AGMO: variants seen among roughly 807,000 people sequenced by gnomAD.
AGMO encodes glyceryl-ether monooxygenase.
In AGMO, 75 loss-of-function variants were observed where a neutral mutation model predicts 60.2. The ratio of observed to expected loss-of-function variants is 1.25; its 90% CI spans 1.03 to 1.51. The LOEUF is 1.51. Among genes scored for constraint, AGMO ranks in the 40% most tolerant of loss-of-function variants. The probability of loss-of-function intolerance (pLI) is 0.00; values close to 1 mark genes in which losing one functional copy is unlikely to be tolerated. For missense variants in AGMO, 763 were observed against 525.5 expected (o/e 1.45, Z -4.42); for synonymous variants, 261 against 177.1 (o/e 1.47, Z -3.76).
At chr7:15,458,186 T>G (rs1782046652) in intron 3 of AGMO, among the ~76,000 whole-genome samples, 1 of 152,132 alleles carries the variant, frequency 6.6e-6, no homozygotes. Context: ...ATCCTGTCCC[T>G]CCTTCAACAG....
rs1554261431 is a variant in AGMO at position 15,359,307 on chromosome 7, A to AG, written c.1263+6206dup. Among the ~76,000 whole-genome samples, 66 of 150,654 alleles carry AG rather than the reference A, an allele frequency of 4.4e-4. 1 individual carries two copies. The highest frequency in any genetic ancestry group is 1.2e-3 in the African/African-American group (49 of 41,182). ...CCGTCTCAACAAAAAAAAAAAAAAA[A>AG]GAAATTAGATTTATTATTTTTACTC... On this transcript the variant is annotated intron_variant, in intron 12 of 12. Transcript: ENST00000342526.
chr7:15,206,170 G>C (rs896144023), intron 12 of AGMO, among the ~76,000 whole-genome samples: 4 of 151,950 alleles, frequency 2.6e-5, no homozygotes, highest in Non-Finnish European at 5.9e-5. Context: ...AAGCACAATG[G>C]AACTAGAATA....
At chr7:15,212,186 T>A (rs1382355945) in intron 12 of AGMO, among the ~76,000 whole-genome samples, 2 of 151,736 alleles carry the variant, frequency 1.3e-5, no homozygotes. Context: ...ACCCTTCAAA[T>A]TTCTCTAAAA....
chr7:15,233,556 T>C (rs1190425997), intron 12 of AGMO, among the ~76,000 whole-genome samples: 1 of 151,634 alleles, frequency 6.6e-6, no homozygotes, highest in African/African-American at 2.4e-5. Flanking sequence ...AGTTGTTTTT[T>C]TTTTTCCCCC....
chr7:15,317,952 CACTATATATATATATACACACACACGTA>C (rs1780987845), intron 12 of AGMO, among the ~76,000 whole-genome samples: 1 of 144,838 alleles, frequency 6.9e-6, no homozygotes, highest in Non-Finnish European at 1.5e-5. Context: ...CACACACACA[CACTATATATATATATACACACACACGTA>C]TATATATATA....
Position 15,342,779 on chromosome 7 carries a change from CAAAAAAAAAA to C in AGMO, c.1263+22725_1263+22734del, listed in dbSNP as rs780336320. 1.2e-3 allele frequency among the ~76,000 whole-genome samples: 74 copies of C among 61,662 alleles called. 1 individual carries two copies. Among genetic ancestry groups the C allele is most frequent in the African/African-American group, 4.7e-3 (63 of 13,464 alleles). 40.5% of individuals were successfully genotyped at this position (61,662 alleles called of 152,430 possible). On this transcript the variant is annotated intron_variant, in intron 12 of 12. Transcript: ENST00000342526. ...TTTATGTGGGAGTACAGTATAGCTG[CAAAAAAAAAA>C]AAAAAAAAAAAAAAAATTGATCTGA... is the stretch of plus-strand genomic sequence containing the variant.
intron 12 of AGMO, among the ~76,000 whole-genome samples, chr7:15,215,257 C>T (rs761209880): frequency 1.3e-5 from 2 of 152,106 alleles, no homozygotes; most frequent in South Asian, 4.1e-4. Context: ...TTGGCAATTT[C>T]ACAAGGAGGA....
chr7:15,328,508 CTCTT>C (rs1781413099), intron 12 of AGMO, among the ~76,000 whole-genome samples: 2 of 152,116 alleles, frequency 1.3e-5, no homozygotes, highest in South Asian at 4.1e-4. Flanking sequence ...AAGAAATTCC[CTCTT>C]TCTGAGAGGG....
intron 3 of AGMO, among the ~76,000 whole-genome samples, chr7:15,432,379 T>TATATATATATATATAC (rs373845365): frequency 4.4e-5 from 6 of 136,194 alleles, no homozygotes; most frequent in South Asian, 2.4e-4. Context: ...CATATATATA[T>TATATATATATATATAC]ACACTATCTG....
the AGMO span, among the ~76,000 whole-genome samples, chr7:15,184,605 A>G: frequency 0.87 from 77,836 of 89,608 alleles, 34,313 homozygotes; most frequent in East Asian, 0.97. Context: ...AGGGAAGGAA[A>G]GAAGGAAGAG....
chr7:15,503,233 A>G (rs1783432966), intron 3 of AGMO, among the ~76,000 whole-genome samples: 1 of 152,156 alleles, frequency 6.6e-6, no homozygotes. Context: ...TGATTGTTGA[A>G]CAAAGAGCTG....
In AGMO at chr7:15,351,982, T is replaced by C. The variant is rs146014215; in HGVS notation, c.1263+13532A>G. 8.6e-3 allele frequency among the ~76,000 whole-genome samples: 1,315 copies of C among 152,326 alleles called. 13 individuals are homozygous for C. The highest frequency in any genetic ancestry group is 0.025 in the African/African-American group (1,052 of 41,574). ...CCCAGATAGCATTTACATTAGAATCTGCAAATAAATAGCTTGTTAATTCAC... is the reference window on the plus strand; with the variant it reads ...CCCAGATAGCATTTACATTAGAATCCGCAAATAAATAGCTTGTTAATTCAC... On this transcript the variant is annotated intron_variant, in intron 12 of 12. Transcript: ENST00000342526.
At chr7:15,128,387 T>A in the AGMO span, among the ~76,000 whole-genome samples, 1 of 152,154 alleles carries the variant, frequency 6.6e-6, no homozygotes, top group Non-Finnish European at 1.5e-5. Context: ...CTGGGTGAAT[T>A]ACTTTTCTAA....
At chr7:15,489,399 G>T (rs1783009183) in intron 3 of AGMO, among the ~76,000 whole-genome samples, 1 of 152,130 alleles carries the variant, frequency 6.6e-6, no homozygotes, top group Non-Finnish European at 1.5e-5. Context: ...AAGCTGTGCA[G>T]TGCAGTCTTG....
intron 5 of AGMO, among the ~76,000 whole-genome samples, chr7:15,394,755 T>TCA (rs1246319362): frequency 6.6e-6 from 1 of 152,208 alleles, no homozygotes; most frequent in Admixed American, 6.5e-5. Context: ...TACTATTGCA[T>TCA]CAGTAATCTA....
At chr7:15,464,241 T>C (rs917913441) in intron 3 of AGMO, among the ~76,000 whole-genome samples, 1 of 152,214 alleles carries the variant, frequency 6.6e-6, no homozygotes, top group Non-Finnish European at 1.5e-5. Flanking sequence ...CAAAGGCTTT[T>C]AGCTCATCTC....
chr7:15,559,037 C>G (rs1785230221), intron 2 of AGMO, among the ~76,000 whole-genome samples: 2 of 152,100 alleles, frequency 1.3e-5, no homozygotes, highest in Non-Finnish European at 2.9e-5. Flanking sequence ...GGTAAGCCCT[C>G]ACGTGTTGAA....
intron 3 of AGMO, among the ~76,000 whole-genome samples, chr7:15,465,253 C>A (rs757562176): frequency 9.2e-5 from 14 of 151,914 alleles, no homozygotes; most frequent in Non-Finnish European, 1.9e-4. Context: ...CCTCTCTTCT[C>A]AGCACTGCTC....
In AGMO at chr7:15,390,660, A is replaced by G. The variant is rs773294291; in HGVS notation, c.822+11T>C. 112 of 1,549,958 alleles carry G rather than the reference A, an allele frequency of 7.2e-5. No homozygotes were observed. In the Admixed American group the frequency reaches 1.5e-3, roughly 21 times the overall value. On this transcript the variant is annotated intron_variant, in intron 8 of 12. Coordinates refer to ENST00000342526, the MANE Select transcript of AGMO (RefSeq NM_001004320.2). The stretch of plus-strand genomic sequence containing the variant: ...TATAAATGAAGAAAGAATAAAAAAC[A>G]AGTATGTTACCTGCACTTTGATTGG...
Sources: allele counts gnomAD v4.1 joint callset (sites outside exome capture counted in the v4.1 genomes callset), GRCh38; gene constraint gnomAD v4.1.1; transcripts MANE v1.5; gene names NCBI Gene and HGNC (gene_info 2026-07-23, HGNC 2026-07-21).